Variants in SH3PXD2A observed in about 807,000 individuals in gnomAD.
SH3PXD2A encodes SH3 and PX domains 2A, also known as SH3 and PX domain-containing protein 2A.
A neutral mutation model predicts 115.2 loss-of-function variants in SH3PXD2A; 32 were observed. That is an observed-to-expected ratio of 0.28 (90% CI 0.21 to 0.37). The LOEUF (loss-of-function observed/expected upper bound fraction) is 0.37, where lower values mean the gene tolerates loss of function less well. Among genes scored for constraint, SH3PXD2A ranks in the 10% least tolerant of loss-of-function variants. SH3PXD2A has a pLI of 1.00. For synonymous variants in SH3PXD2A, 610 were observed against 629.1 expected, an observed-to-expected ratio of 0.97 and a Z score of 0.45; for missense variants, 1,328 against 1,498.7, an observed-to-expected ratio of 0.89 and a Z score of 1.88.
chr10:103,707,093 C>T (rs924175646), intron 5 of SH3PXD2A, among the ~76,000 whole-genome samples: 1 of 152,204 alleles, frequency 6.6e-6, no homozygotes, highest in African/African-American at 2.4e-5. Flanking sequence ...TGGCCTCCTT[C>T]ACCCCTCTCC....
chr10:103,850,596 T>C (rs898371282), intron 1 of SH3PXD2A, among the ~76,000 whole-genome samples: 3 of 152,196 alleles, frequency 2.0e-5, no homozygotes, highest in African/African-American at 7.2e-5. Flanking sequence ...TCCTAACCTC[T>C]GTTTCTTCCC....
At chr10:103,796,428 T>C (rs940105146) in intron 2 of SH3PXD2A, among the ~76,000 whole-genome samples, 1 of 151,842 alleles carries the variant, frequency 6.6e-6, no homozygotes, top group Non-Finnish European at 1.5e-5. Context: ...ATGGGCATCT[T>C]CTTTGTTCCC....
chr10:103,749,947 T>C (rs2038555244), intron 3 of SH3PXD2A: 1 of 152,210 alleles, frequency 6.6e-6, no homozygotes, highest in South Asian at 2.1e-4. Context: ...CAGTCAAGCC[T>C]TCAGCTGAAT....
At chr10:103,748,245 G>T (rs747653315) in intron 3 of SH3PXD2A, among the ~76,000 whole-genome samples, 1 of 152,224 alleles carries the variant, frequency 6.6e-6, no homozygotes, top group Non-Finnish European at 1.5e-5. Context: ...AAGAAAAGTT[G>T]AGTGCCCCGC....
chr10:103,606,823 G>A (rs2036316745), intron 13 of SH3PXD2A, among the ~76,000 whole-genome samples: 1 of 152,250 alleles, frequency 6.6e-6, no homozygotes, highest in African/African-American at 2.4e-5. Context: ...CTGGAGTGCA[G>A]CGGCGTGATC....
At position 103,728,885 on chromosome 10, in the gene SH3PXD2A, G is replaced by GTTT. The variant is rs1170237835; in HGVS notation, c.307-4527_307-4525dup. ...TAAGTAGCAAAGAGTTGTTTTTTTT[G>GTTT]TTTGTTTGTTTGTTTTTTTTTTTTT... On this transcript the variant is annotated intron_variant, in intron 4 of 14. Transcript: ENST00000369774. 3.8e-3 allele frequency among the ~76,000 whole-genome samples: 379 copies of GTTT among 99,170 alleles called. 4 individuals carry two copies. Among genetic ancestry groups the GTTT allele is most frequent in the Middle Eastern group, 0.012 (3 of 244 alleles). 65.1% of individuals were successfully genotyped at this position (99,170 alleles called of 152,430 possible). A position where few individuals can be genotyped will look rare whatever the true frequency, so the allele number is the denominator to read the frequency against.
chr10:103,632,222 T>A (rs919232252), intron 8 of SH3PXD2A, among the ~76,000 whole-genome samples: 2 of 152,058 alleles, frequency 1.3e-5, no homozygotes, highest in Non-Finnish European at 2.9e-5. Context: ...ACTTCCTCTC[T>A]ACCACTGCAC....
intron 1 of SH3PXD2A, among the ~76,000 whole-genome samples, chr10:103,847,858 G>A (rs1485020572): frequency 6.6e-6 from 1 of 152,048 alleles, no homozygotes; most frequent in Non-Finnish European, 1.5e-5. Context: ...AGAATCGCTT[G>A]AACCCGGGAG....
rs1234481222 is a variant in SH3PXD2A, at chr10:103,746,093, G to T, written c.230-10285C>A. 6.6e-6 allele frequency: 1 copy of T among 152,196 alleles called. No homozygotes were observed. The highest frequency in any genetic ancestry group is 1.9e-4 in the East Asian group (1 of 5,188). The allele number at this position is 152,196 out of a possible 1,614,324, so 9.4% of individuals were successfully genotyped here. A position where few individuals can be genotyped will look rare whatever the true frequency, so the allele number is the denominator to read the frequency against. On this transcript the variant is annotated intron_variant, in intron 3 of 14. Coordinates refer to ENST00000369774, the MANE Select transcript of SH3PXD2A (RefSeq NM_001394015.1). This position sits in a 1 kb window ranked among gnomAD's most constrained non-coding sequence, Gnocchi z 4.4. ...GAACGATCTCCCAAATTCTGGTTCG[G>T]AGGTTCCCATACCCAGTAAGCAGAG...
chr10:103,821,204 G>A (rs2039376482), intron 1 of SH3PXD2A, among the ~76,000 whole-genome samples: 1 of 143,352 alleles, frequency 7.0e-6, no homozygotes, highest in Non-Finnish European at 1.5e-5. Flanking sequence ...GTGCAGTGGT[G>A]CGGTCTCGGC....
In SH3PXD2A at chr10:103,652,447, A is replaced by G. The variant is rs1328765247; in HGVS notation, c.604+8536T>C. On this transcript the variant is annotated intron_variant, in intron 8 of 14. Coordinates refer to ENST00000369774, the MANE Select transcript of SH3PXD2A (RefSeq NM_001394015.1). ...CAGAGGATGAGGTTATGGAATCTGA[A>G]AAGATGCTGAGAGGGATGAGGGCAG... 2.0e-5 allele frequency among the ~76,000 whole-genome samples: 3 copies of G among 152,298 alleles called. No individual in the cohort carries two copies. In the East Asian group the frequency reaches 5.8e-4, roughly 29 times the overall value.
In SH3PXD2A at chr10:103,625,948, C is replaced by G. The variant is rs561943662; in HGVS notation, c.718+1141G>C. ...AGGAGGTGAGGCTGGGGACTGCAGG[C>G]ATATGAGACCAGACCTAGCTCAGGG... On this transcript the variant is annotated intron_variant, in intron 9 of 14. Transcript: ENST00000369774. 3.3e-5 allele frequency among the ~76,000 whole-genome samples: 5 copies of G among 152,336 alleles called. No individual in the cohort carries two copies. The South Asian group carries it at 1.0e-3, about 32-fold the overall frequency.
intron 10 of SH3PXD2A, among the ~76,000 whole-genome samples, 179 bp downstream of exon 10, chr10:103,622,291 C>T (rs932978684): frequency 2.6e-5 from 4 of 152,212 alleles, no homozygotes; most frequent in African/African-American, 9.7e-5. Context: ...CCAGTGCCAC[C>T]CTGATTCCCA....
At chr10:103,654,398 C>A (rs944880842) in intron 8 of SH3PXD2A, among the ~76,000 whole-genome samples, 2 of 152,110 alleles carry the variant, frequency 1.3e-5, no homozygotes, top group African/African-American at 4.8e-5. Context: ...ACCACCAAGT[C>A]AGTTCTATGA....
intron 8 of SH3PXD2A, among the ~76,000 whole-genome samples, chr10:103,635,807 G>A (rs574290243): frequency 1.2e-4 from 19 of 152,304 alleles, no homozygotes; most frequent in Middle Eastern, 3.4e-3. Flanking sequence ...CAGAAAGAAC[G>A]AACATGTAGC....
intron 5 of SH3PXD2A, among the ~76,000 whole-genome samples, chr10:103,697,531 G>A (rs1363626783): frequency 6.6e-6 from 1 of 152,136 alleles, no homozygotes; most frequent in African/African-American, 2.4e-5. Flanking sequence ...ACAACCACTG[G>A]TCTCTGTCTA....
intron 4 of SH3PXD2A, among the ~76,000 whole-genome samples, chr10:103,726,205 A>T (rs918597810): frequency 2.0e-5 from 3 of 152,104 alleles, no homozygotes; most frequent in African/African-American, 7.2e-5. Context: ...TCCTGATGAG[A>T]CCTGGTCTAT....
intron 3 of SH3PXD2A, among the ~76,000 whole-genome samples, chr10:103,752,431 G>C (rs1210533086): frequency 2.6e-5 from 4 of 152,176 alleles, no homozygotes; most frequent in Admixed American, 6.5e-5. Context: ...TCACAGACGA[G>C]GGAACTCAGG....
chr10:103,635,964 C>T (rs2036858137), intron 8 of SH3PXD2A, among the ~76,000 whole-genome samples: 1 of 152,188 alleles, frequency 6.6e-6, no homozygotes, highest in Admixed American at 6.5e-5. Context: ...TGTCCCAGCC[C>T]CGGGAGGGAA....
Sources: allele counts gnomAD v4.1 joint callset (sites outside exome capture counted in the v4.1 genomes callset), GRCh38; gene constraint gnomAD v4.1.1; non-coding constraint Gnocchi (gnomAD v3.1); transcripts MANE v1.5; gene names NCBI Gene and HGNC (gene_info 2026-07-23, HGNC 2026-07-21).